Variants in RSPH9 observed in about 807,000 individuals in gnomAD.
RSPH9 encodes the protein radial spoke head component 9, also known as radial spoke head protein 9 homolog.
RSPH9 carries 27 observed loss-of-function variants against 27.0 expected under a neutral mutation model. The observed-to-expected ratio is 1.00, with a 90% CI of 0.74 to 1.38. The LOEUF (loss-of-function observed/expected upper bound fraction) is 1.38. RSPH9 is among the 40% of genes most tolerant of loss of function. The pLI, the probability that RSPH9 is intolerant of heterozygous loss-of-function variation, is 0.00. For synonymous variants in RSPH9, 145 were observed against 147.7 expected (o/e 0.98, Z 0.13); for missense variants, 347 against 357.4 (o/e 0.97, Z 0.24).
chr6:43,656,652 C>A lies in RSPH9; in HGVS notation c.599C>A (p.Thr200Asn), dbSNP rs1582387015. ...FREPVELKNKTLLEKADLDPS... is the reference protein window; with the variant it reads ...FREPVELKNKNLLEKADLDPS... The stretch of plus-strand genomic sequence containing the variant: ...GAGCCTGTTGAGCTAAAGAATAAGA[C>A]CTTGCTTGAGAAGGCTGACCTGGAC... The change falls in exon 4 of 5, where the codon ACC (threonine) becomes AAC (asparagine). Residue 200 changes from threonine (T) to asparagine (N), a missense_variant. Physicochemically the swap from Thr to Asn is moderately conservative, Grantham distance 65 (BLOSUM62 0). Coordinates refer to ENST00000372163, the MANE Select transcript of RSPH9 (RefSeq NM_152732.5). The A allele has an allele frequency of 1.2e-6, 2 of 1,614,138 alleles. No homozygotes were observed. Among genetic ancestry groups the A allele is most frequent in the Non-Finnish European group, 1.7e-6 (2 of 1,179,974 alleles).
intron 1 of RSPH9, among the ~76,000 whole-genome samples, chr6:43,649,631 G>T (rs1771238833): frequency 6.6e-6 from 1 of 152,088 alleles, no homozygotes; most frequent in Non-Finnish European, 1.5e-5. Flanking sequence ...GAAGGAACCA[G>T]GTGGGCCTGG....
At chr6:43,660,732 G>A (rs907621507) in intron 4 of RSPH9, among the ~76,000 whole-genome samples, 1 of 152,038 alleles carries the variant, frequency 6.6e-6, no homozygotes, top group African/African-American at 2.4e-5. Flanking sequence ...GAAAGTGCTG[G>A]GATTATAGGT....
chr6:43,665,940 C>A (rs1773092565), intron 4 of RSPH9, among the ~76,000 whole-genome samples: 1 of 152,164 alleles, frequency 6.6e-6, no homozygotes, highest in African/African-American at 2.4e-5. Context: ...ATCCTCCTGC[C>A]TCAGCCTCCC....
chr6:43,663,211 A>C (rs1477295200), intron 4 of RSPH9, among the ~76,000 whole-genome samples: 3 of 143,604 alleles, frequency 2.1e-5, no homozygotes, highest in African/African-American at 8.8e-5. Context: ...GCTATTGTAG[A>C]GTTATTTTAT....
Position 43,655,824 on chromosome 6 carries a change from G to A in RSPH9, c.523+133G>A, listed in dbSNP as rs1054314954. On this transcript the variant is annotated intron_variant, in intron 3 of 4. Transcript: ENST00000372163. ...GGAGTAGCTGTGACCTTATCACCTG[G>A]GAGGGTGTGCCCAGTGACCTGGCAC... 30 of 1,103,614 alleles carry A rather than the reference G, an allele frequency of 2.7e-5. No individual in the cohort carries two copies. The African/African-American group carries it at 4.0e-4, about 15-fold the overall frequency. The allele number at this position is 1,103,614 out of a possible 1,614,324, so 68.4% of individuals were successfully genotyped here.
intron 2 of RSPH9, among the ~76,000 whole-genome samples, 176 bp downstream of exon 2, chr6:43,650,716 C>T (rs1227371458): frequency 1.3e-5 from 2 of 151,906 alleles, no homozygotes; most frequent in African/African-American, 4.8e-5. Context: ...ACCATCCTGG[C>T]TAACACAGTG....
intron 4 of RSPH9, among the ~76,000 whole-genome samples, chr6:43,667,754 T>A (rs940516751): frequency 6.6e-6 from 1 of 151,882 alleles, no homozygotes; most frequent in African/African-American, 2.4e-5. Context: ...GGGATGGGGG[T>A]GCCTCTCCCA....
At chr6:43,669,284 A>G (rs983676428) in intron 4 of RSPH9, among the ~76,000 whole-genome samples, 1 of 152,162 alleles carries the variant, frequency 6.6e-6, no homozygotes. Flanking sequence ...GAGCTTTGCG[A>G]TTGGCTTCTC....
chr6:43,667,250 A>T (rs1302608093), intron 4 of RSPH9, among the ~76,000 whole-genome samples: 1 of 152,244 alleles, frequency 6.6e-6, no homozygotes, highest in Non-Finnish European at 1.5e-5. Flanking sequence ...CCTTGCAAGC[A>T]TCGGTGTCCT....
chr6:43,649,851 C>T (rs1470143157), intron 1 of RSPH9, among the ~76,000 whole-genome samples: 1 of 152,132 alleles, frequency 6.6e-6, no homozygotes, highest in East Asian at 1.9e-4. Flanking sequence ...GGAAGAGGCT[C>T]ATTTAATTTC....
Position 43,672,321 on chromosome 6 carries a change from A to G in RSPH9, c.*1372A>G. ...TCTTCCCCATTTGGCTCACTCAGCT[A>G]CCCCAACCTTCAGGGAACTCCCCAG... On this transcript the variant is annotated 3_prime_UTR_variant, in exon 5 of 5. Transcript: ENST00000372163. 2.2e-6 allele frequency: 1 copy of G among 463,656 alleles called. No homozygotes were observed. The highest frequency in any genetic ancestry group is 1.6e-5 in the South Asian group (1 of 64,020). The allele number at this position is 463,656 out of a possible 1,614,324, so 28.7% of individuals were successfully genotyped here.
At position 43,671,978 on chromosome 6, in the gene RSPH9, A is replaced by G; in HGVS notation, c.*1029A>G. ...GCTGGACGTGGGAGAGTGGAGCACT[A>G]CCTCCTCAGGCCAGGCCACGGTTGG... On this transcript the variant is annotated 3_prime_UTR_variant, in exon 5 of 5. Coordinates refer to ENST00000372163, the MANE Select transcript of RSPH9 (RefSeq NM_152732.5). 2 of 1,472,894 alleles carry G rather than the reference A, an allele frequency of 1.4e-6. No homozygotes were observed. The highest frequency in any genetic ancestry group is 1.8e-6 in the Non-Finnish European group (2 of 1,103,974). The allele number at this position is 1,472,894 out of a possible 1,614,324, so 91.2% of individuals were successfully genotyped here.
chr6:43,660,065 A>T (rs1772458214), intron 4 of RSPH9, among the ~76,000 whole-genome samples: 1 of 117,162 alleles, frequency 8.5e-6, no homozygotes, highest in African/African-American at 3.4e-5. Flanking sequence ...TTTTTTTGAG[A>T]CAGAGTCTTG....
At chr6:43,670,709 G>A (rs1303830147) in intron 4 of RSPH9, 80 bp from the exon 5 acceptor site, 6 of 1,363,226 alleles carry the variant, frequency 4.4e-6, no homozygotes, top group Middle Eastern at 2.4e-4. Context: ...GGCTGCCCAA[G>A]GAGCCAGGGG....
Position 43,672,135 on chromosome 6 carries a change from C to T in RSPH9, c.*1186C>T, listed in dbSNP as rs1773743705. 1.7e-6 allele frequency: 1 copy of T among 593,038 alleles called. No homozygotes were observed. The highest frequency in any genetic ancestry group is 3.0e-6 in the Non-Finnish European group (1 of 329,990). 36.7% of individuals were successfully genotyped at this position (593,038 alleles called of 1,614,324 possible). ...AGCCTGTGTGGCCAGGTTCAGGCAG[C>T]CCAGGGCCACAAGCTCCCTTGATCT... On this transcript the variant is annotated 3_prime_UTR_variant, in exon 5 of 5. Coordinates refer to ENST00000372163, the MANE Select transcript of RSPH9 (RefSeq NM_152732.5).
intron 4 of RSPH9, among the ~76,000 whole-genome samples, chr6:43,663,666 C>A (rs997452402): frequency 1.3e-5 from 2 of 151,972 alleles, no homozygotes; most frequent in African/African-American, 4.8e-5. Flanking sequence ...GTTCGTGGTG[C>A]CCCAAAACAA....
At chr6:43,664,151 C>T (rs1424708816) in intron 4 of RSPH9, among the ~76,000 whole-genome samples, 1 of 152,076 alleles carries the variant, frequency 6.6e-6, no homozygotes, top group African/African-American at 2.4e-5. Context: ...TGCAAACCTT[C>T]AATTTATAAA....
rs1189263688 is a variant in RSPH9, at chr6:43,671,443, C to T, written c.*494C>T. 4.5e-6 allele frequency: 2 copies of T among 448,562 alleles called. No homozygotes were observed. The highest frequency in any genetic ancestry group is 2.0e-5 in the African/African-American group (1 of 50,628). 27.8% of individuals were successfully genotyped at this position (448,562 alleles called of 1,614,324 possible). A position where few individuals can be genotyped will look rare whatever the true frequency, so the allele number is the denominator to read the frequency against. ...CTGCACTTCCCAAGCAGTGAGCGCA[C>T]ACCCAATGGGTAAGCCCATGAACCC... On this transcript the variant is annotated 3_prime_UTR_variant, in exon 5 of 5. Coordinates refer to ENST00000372163, the MANE Select transcript of RSPH9 (RefSeq NM_152732.5).
At chr6:43,649,464 A>C (rs1771219264) in intron 1 of RSPH9, among the ~76,000 whole-genome samples, 1 of 152,062 alleles carries the variant, frequency 6.6e-6, no homozygotes, top group South Asian at 2.1e-4. Context: ...AGTGTGAGCC[A>C]CCGCGCCTGG....
Sources: gnomAD v4.1 joint callset for allele counts (sites outside exome capture counted in the v4.1 genomes callset) on GRCh38, gnomAD v4.1.1 for gene constraint, MANE v1.5 for transcripts, NCBI Gene and HGNC (gene_info 2026-07-23, HGNC 2026-07-21) for gene names.